MTSS2: variants seen among roughly 807,000 people sequenced by gnomAD.
The protein encoded by MTSS2 is MTSS I-BAR domain containing 2, also known as protein MTSS 2.
A neutral mutation model predicts 67.1 loss-of-function variants in MTSS2; 27 were observed. That is an observed-to-expected ratio of 0.40 (90% CI 0.30 to 0.55). MTSS2 has a LOEUF of 0.55. Ranked by LOEUF, MTSS2 falls within the 20% of genes least tolerant of loss-of-function variation. The pLI, the probability that MTSS2 is intolerant of heterozygous loss-of-function variation, is 0.43. For missense variants in MTSS2, 1,171 were observed against 1,067.8 expected (o/e 1.10, Z -1.35); for synonymous variants, 624 against 468.6 (o/e 1.33, Z -4.28).
chr16:70,675,292 G>A (rs561872056), intron 10 of MTSS2, among the ~76,000 whole-genome samples: 1 of 151,910 alleles, frequency 6.6e-6, no homozygotes, highest in African/African-American at 2.4e-5. Context: ...GCGTGGTGGT[G>A]CACACCTGTA....
At chr16:70,665,827 C>T in intron 11 of MTSS2, 1 of 302,382 alleles carries the variant, frequency 3.3e-6, no homozygotes, top group Non-Finnish European at 6.1e-6. Context: ...TGGATATGGC[C>T]ACCGAGGGGA....
Position 70,663,405 on chromosome 16 carries a change from G to GGCCCCAGAGGAGGAAGA in MTSS2, c.*255_*271dup. ...GTGCTTATGGGTAGGGAAGAGGCAGGGCCCCAGAGGAGGAAGAGGAGGGAC... is the reference window on the plus strand; with the variant it reads ...GTGCTTATGGGTAGGGAAGAGGCAGGGCCCCAGAGGAGGAAGAGCCCCAGAGGAGGAAGAGGAGGGAC... On this transcript the variant is annotated 3_prime_UTR_variant, in exon 15 of 15. Transcript: ENST00000338779. 1 of 505,194 alleles carries GGCCCCAGAGGAGGAAGA rather than the reference G, an allele frequency of 2.0e-6. No homozygotes were observed. The highest frequency in any genetic ancestry group is 3.4e-6 in the Non-Finnish European group (1 of 296,932). 31.3% of individuals were successfully genotyped at this position (505,194 alleles called of 1,614,324 possible). A position where few individuals can be genotyped will look rare whatever the true frequency, so the allele number is the denominator to read the frequency against.
intron 14 of MTSS2, 71 bp downstream of exon 14, chr16:70,664,527 G>A (rs1277486612): frequency 5.7e-6 from 9 of 1,576,238 alleles, no homozygotes; most frequent in Admixed American, 1.7e-5. Context: ...GCACAGAGGG[G>A]GAAGGACGGG....
At chr16:70,683,296 C>T (rs1028723962) in intron 1 of MTSS2, among the ~76,000 whole-genome samples, 1 of 152,208 alleles carries the variant, frequency 6.6e-6, no homozygotes, top group African/African-American at 2.4e-5. Flanking sequence ...GGAGGAGCAC[C>T]TGCCCCACTG....
chr16:70,665,071 T>G lies in MTSS2; in HGVS notation c.1154A>C (p.Glu385Ala). ...CTGCAGAGTGGCGCCTGAGGGCTGC[T>G]CATGGGAGCCGACCTTGGACCAGTC... ...TSDWSKVGSH[E>A]QPSGATLQRR... Residue 385 changes from glutamate (E) to alanine (A), a missense_variant, in exon 13 of 15, where the codon GAG becomes GCG. Around this residue, in one of 2 missense-constraint regions of MTSS2, gnomAD observed 924 missense variants for 756.0 expected, o/e 1.22. Coordinates refer to ENST00000338779, the MANE Select transcript of MTSS2 (RefSeq NM_138383.3). The G allele has an allele frequency of 6.3e-7, 1 of 1,597,614 alleles. No homozygotes were observed. The highest frequency in any genetic ancestry group is 8.5e-7 in the Non-Finnish European group (1 of 1,179,662).
chr16:70,678,881 G>A (rs2053207005), intron 7 of MTSS2, among the ~76,000 whole-genome samples: 1 of 152,160 alleles, frequency 6.6e-6, no homozygotes, highest in African/African-American at 2.4e-5. Flanking sequence ...AGGCAGGGAA[G>A]GGGTCTCAGT....
At position 70,664,086 on chromosome 16, in the gene MTSS2, C is replaced by A; in HGVS notation, c.1835G>T (p.Ser612Ile). ...GTCGGTATAGAAGACGCACTCCTCA[C>A]TGCCCGCCCGTGTGGGCCCCATGTA... ...PGYMGPTRAG[S>I]EECVFYTDET... Residue 612 changes from serine (S) to isoleucine (I), a missense_variant, in exon 15 of 15, where the codon AGT (serine) becomes ATT (isoleucine). Physicochemically the swap from Ser to Ile is moderately radical, Grantham distance 142. Around this residue, in one of 2 missense-constraint regions of MTSS2, gnomAD observed 924 missense variants for 756.0 expected, o/e 1.22. Coordinates refer to ENST00000338779, the MANE Select transcript of MTSS2 (RefSeq NM_138383.3). The A allele has an allele frequency of 6.2e-7, 1 of 1,611,872 alleles. No individual in the cohort carries two copies. Among genetic ancestry groups the A allele is most frequent in the Non-Finnish European group, 8.5e-7 (1 of 1,179,630 alleles).
At chr16:70,680,911 G>GGT (rs766882436) in intron 2 of MTSS2, 44 bp from the exon 3 acceptor site, 34 of 1,481,798 alleles carry the variant, frequency 2.3e-5, no homozygotes, top group South Asian at 8.3e-5. Flanking sequence ...GGTTGGGCGG[G>GGT]GGGGGGGCCT....
At chr16:70,675,943 G>A (rs2053103049) in intron 10 of MTSS2, among the ~76,000 whole-genome samples, 1 of 152,206 alleles carries the variant, frequency 6.6e-6, no homozygotes, top group Non-Finnish European at 1.5e-5. Context: ...TCCTGGCTAA[G>A]CGTGACCCTG....
At chr16:70,680,318 C>A (rs1160963970) in intron 3 of MTSS2, among the ~76,000 whole-genome samples, 2 of 152,086 alleles carry the variant, frequency 1.3e-5, no homozygotes, top group Admixed American at 6.5e-5. Flanking sequence ...AAAGACCGTT[C>A]CAGGAGCCGG....
Position 70,685,900 on chromosome 16 carries a change from C to G in MTSS2, c.-109G>C. 1 of 453,546 alleles carries G rather than the reference C, an allele frequency of 2.2e-6. No homozygotes were observed. 28.1% of individuals were successfully genotyped at this position (453,546 alleles called of 1,614,324 possible). ...CGCTCGCTCCGAGGCCGGGCCGGGC[C>G]TCCCGCCTCCAGGCTGCGCTCAGCG... On this transcript the variant is annotated 5_prime_UTR_variant, in exon 1 of 15. Coordinates refer to ENST00000338779, the MANE Select transcript of MTSS2 (RefSeq NM_138383.3).
rs1009558263 is a variant in MTSS2 at position 70,663,048 on chromosome 16, G to C, written c.*629C>G. ...GACCCCCCCCCCCAAGCAGCCCCTG[G>C]TTTCCTCCCTGAGACTTGGCGTGGG... On this transcript the variant is annotated 3_prime_UTR_variant, in exon 15 of 15. Transcript: ENST00000338779. The C allele has an allele frequency of 6.6e-6, 1 of 151,568 alleles. No homozygotes were observed. The highest frequency in any genetic ancestry group is 2.1e-4 in the South Asian group (1 of 4,796). The allele number at this position is 151,568 out of a possible 1,614,324, so 9.4% of individuals were successfully genotyped here.
chr16:70,671,357 G>A (rs1041265211), intron 11 of MTSS2, among the ~76,000 whole-genome samples: 1 of 149,938 alleles, frequency 6.7e-6, no homozygotes, highest in African/African-American at 2.5e-5. Flanking sequence ...AGCCAAGATC[G>A]CACCATTGCA....
At chr16:70,681,530 C>T (rs2053305559) in intron 1 of MTSS2, among the ~76,000 whole-genome samples, 1 of 152,218 alleles carries the variant, frequency 6.6e-6, no homozygotes, top group Non-Finnish European at 1.5e-5. Flanking sequence ...CCTCCGGGGC[C>T]CCTGCCCTGT....
At chr16:70,677,630 G>A (rs150118885) in intron 9 of MTSS2, among the ~76,000 whole-genome samples, 162 bp downstream of exon 9, 1 of 152,314 alleles carries the variant, frequency 6.6e-6, no homozygotes, top group Admixed American at 6.5e-5. Flanking sequence ...CTGGGCAGGT[G>A]CTCCGGGATG....
Position 70,674,407 on chromosome 16 carries a change from C to A in MTSS2, c.952G>T (p.Ala318Ser). Residue 318 changes from alanine (A) to serine (S), a missense_variant, in exon 11 of 15, where the codon GCT becomes TCT. By Grantham distance (99) the Ala-to-Ser change is moderately conservative. Transcript: ENST00000338779. ...TGGGAGGAAACGCTGGAGAGGCGAG[C>A]GGTGGTGGTGGCTGGCTGCGCCAGG... ...RSLAQPATTT[A>S]RLSSVSSHDS... The A allele has an allele frequency of 6.2e-7, 1 of 1,614,104 alleles. No homozygotes were observed. The highest frequency in any genetic ancestry group is 8.5e-7 in the Non-Finnish European group (1 of 1,180,014).
chr16:70,668,052 A>T (rs536027940), intron 11 of MTSS2, among the ~76,000 whole-genome samples: 1 of 152,072 alleles, frequency 6.6e-6, no homozygotes, highest in African/African-American at 2.4e-5. Flanking sequence ...AGGGCCGAAA[A>T]TAGACAAAGC....
In MTSS2 at chr16:70,662,484, C is replaced by T. The variant is rs987957005; in HGVS notation, c.*1193G>A. On this transcript the variant is annotated 3_prime_UTR_variant, in exon 15 of 15. Transcript: ENST00000338779. ...TCCTCCGGCAACAGAGAGTCAAAGCCAATCTTCCCAGACTCGCTCCCCCAC... is the reference window on the plus strand; with the variant it reads ...TCCTCCGGCAACAGAGAGTCAAAGCTAATCTTCCCAGACTCGCTCCCCCAC... 14 of 152,296 alleles carry T rather than the reference C, an allele frequency of 9.2e-5. No individual in the cohort carries two copies. The highest frequency in any genetic ancestry group is 3.4e-4 in the African/African-American group (14 of 41,466). The allele number at this position is 152,296 out of a possible 1,614,324, so 9.4% of individuals were successfully genotyped here.
At position 70,664,057 on chromosome 16, in the gene MTSS2, T is replaced by A. The variant is rs374070157; in HGVS notation, c.1864A>T (p.Thr622Ser). Reference sequence around the variant, plus strand: ...AGGTCCGGTGCCAGGGGTGAGGCGGTCTCGTCGGTATAGAAGACGCACTCC... The same window carrying A: ...AGGTCCGGTGCCAGGGGTGAGGCGGACTCGTCGGTATAGAAGACGCACTCC... ...SEECVFYTDETASPLAPDLAK... is the reference protein window; with the variant it reads ...SEECVFYTDESASPLAPDLAK... The change falls in exon 15 of 15, where the codon ACC becomes TCC. Residue 622 changes from threonine to serine, a missense_variant. By Grantham distance (58) the Thr-to-Ser change is moderately conservative (BLOSUM62 1). Around this residue, in one of 2 missense-constraint regions of MTSS2, gnomAD observed 924 missense variants for 756.0 expected, o/e 1.22. Coordinates refer to ENST00000338779, the MANE Select transcript of MTSS2 (RefSeq NM_138383.3). 9 of 1,610,888 alleles carry A rather than the reference T, an allele frequency of 5.6e-6. No individual in the cohort carries two copies. The highest frequency in any genetic ancestry group is 7.6e-6 in the Non-Finnish European group (9 of 1,179,234).
Sources: gnomAD v4.1 joint callset for allele counts (sites outside exome capture counted in the v4.1 genomes callset) on GRCh38, gnomAD v4.1.1 for gene constraint, gnomAD v4.1.1 regional missense constraint, MANE v1.5 for transcripts, NCBI Gene and HGNC (gene_info 2026-07-23, HGNC 2026-07-21) for gene names.